CERS6: variants seen among roughly 807,000 people sequenced by gnomAD.
CERS6 encodes ceramide synthase 6.
In CERS6, 26 loss-of-function variants were observed where a neutral mutation model predicts 56.8. The observed-to-expected ratio is 0.46, with a 90% confidence interval of 0.34 to 0.63. The LOEUF is 0.63. Among genes scored for constraint, CERS6 ranks in the 30% least tolerant of loss-of-function variants. The pLI, the probability that CERS6 is intolerant of heterozygous loss-of-function variation, is 0.01. For synonymous variants in CERS6, 164 were observed against 173.3 expected, an observed-to-expected ratio of 0.95 and a Z score of 0.42; for missense variants, 415 against 467.5, an observed-to-expected ratio of 0.89 and a Z score of 1.04.
At chr2:168,599,167 T>A (rs1662491835) in intron 3 of CERS6, among the ~76,000 whole-genome samples, 1 of 152,216 alleles carries the variant, frequency 6.6e-6, no homozygotes, top group South Asian at 2.1e-4. Context: ...TGACTCAGGT[T>A]ACCTTGCAGA....
At chr2:168,564,354 T>G (rs1245035341) in intron 3 of CERS6, among the ~76,000 whole-genome samples, 1 of 152,228 alleles carries the variant, frequency 6.6e-6, no homozygotes, top group African/African-American at 2.4e-5. Context: ...CTATTAATTC[T>G]TTGTAAATTC....
At chr2:168,492,589 A>G (rs1333500266) in intron 1 of CERS6, among the ~76,000 whole-genome samples, 1 of 151,886 alleles carries the variant, frequency 6.6e-6, no homozygotes, top group Non-Finnish European at 1.5e-5. Flanking sequence ...ATGATAGTTT[A>G]TTTTGCAGTG....
chr2:168,687,142 C>T (rs1344560653), intron 4 of CERS6, among the ~76,000 whole-genome samples: 1 of 152,218 alleles, frequency 6.6e-6, no homozygotes, highest in East Asian at 1.9e-4. Flanking sequence ...AACTTTGCTT[C>T]CACCAGAGCT....
intron 1 of CERS6, among the ~76,000 whole-genome samples, chr2:168,537,362 C>T (rs1695283603): frequency 6.6e-6 from 1 of 152,164 alleles, no homozygotes; most frequent in Admixed American, 6.5e-5. Context: ...ATAAATACCT[C>T]AAAGTGAGAT....
chr2:168,743,211 T>A (rs1414731524), intron 8 of CERS6, among the ~76,000 whole-genome samples: 1 of 130,652 alleles, frequency 7.7e-6, no homozygotes, highest in Non-Finnish European at 1.6e-5. Flanking sequence ...TATGTGTGTG[T>A]GTATGTGTGT....
intron 4 of CERS6, among the ~76,000 whole-genome samples, chr2:168,671,688 T>C (rs1400773152): frequency 6.6e-6 from 1 of 152,212 alleles, no homozygotes; most frequent in Non-Finnish European, 1.5e-5. Context: ...GTAAAAGATA[T>C]CTGTTATTTC....
chr2:168,766,082 G>T (rs963451006), intron 9 of CERS6, among the ~76,000 whole-genome samples: 1 of 152,130 alleles, frequency 6.6e-6, no homozygotes, highest in Non-Finnish European at 1.5e-5. Flanking sequence ...TATGAGAAGG[G>T]TCGCTTGGTG....
chr2:168,500,724 G>T (rs1342576751), intron 1 of CERS6, among the ~76,000 whole-genome samples: 1 of 152,216 alleles, frequency 6.6e-6, no homozygotes, highest in Non-Finnish European at 1.5e-5. Context: ...GGAACTGTCA[G>T]ACAAGCTTTG....
chr2:168,769,440 G>A (rs1684808159), intron 9 of CERS6, 70 bp from the exon 10 acceptor site: 4 of 1,369,262 alleles, frequency 2.9e-6, no homozygotes, highest in Non-Finnish European at 3.9e-6. Flanking sequence ...ATGACTGCAT[G>A]TGCTTCTAGC....
chr2:168,525,615 C>A (rs1443987463), intron 1 of CERS6, among the ~76,000 whole-genome samples: 2 of 152,132 alleles, frequency 1.3e-5, no homozygotes, highest in Admixed American at 6.5e-5. Flanking sequence ...GCTTTTGGGC[C>A]AGAGGGTATT....
chr2:168,636,642 A>G (rs954961552), intron 4 of CERS6, among the ~76,000 whole-genome samples: 2 of 152,230 alleles, frequency 1.3e-5, no homozygotes, highest in Non-Finnish European at 2.9e-5. Flanking sequence ...GATGCTTACA[A>G]ATAGGTAAAC....
chr2:168,557,114 G>C (rs993757946), intron 2 of CERS6, among the ~76,000 whole-genome samples: 1 of 151,920 alleles, frequency 6.6e-6, no homozygotes, highest in African/African-American at 2.4e-5. Context: ...GCAGTGAGCC[G>C]TGATGGCGCC....
Position 168,707,686 on chromosome 2 carries a change from C to G in CERS6, c.610-7315C>G, listed in dbSNP as rs1263810373. Among the ~76,000 whole-genome samples the G allele has an allele frequency of 3.9e-5, 6 of 152,250 alleles. No homozygotes were observed. The East Asian group carries it at 1.2e-3, about 29-fold the overall frequency. On this transcript the variant is annotated intron_variant, in intron 6 of 9. Transcript: ENST00000305747. ...CATACATTATGTGAACTCTTCACAT[C>G]ATAAGTTGGTAAGAGATGGTTATGA...
At chr2:168,512,427 T>C (rs1694804834) in intron 1 of CERS6, among the ~76,000 whole-genome samples, 1 of 152,200 alleles carries the variant, frequency 6.6e-6, no homozygotes, top group Non-Finnish European at 1.5e-5. Context: ...TTCATATTTT[T>C]AAAACCACTT....
At chr2:168,515,927 A>G (rs115556917) in intron 1 of CERS6, among the ~76,000 whole-genome samples, 1,525 of 152,266 alleles carry the variant, frequency 0.01, 16 homozygotes, top group African/African-American at 0.036. Context: ...AAAAGAATGG[A>G]AAAGAAAGAA....
At chr2:168,645,853 C>G (rs1685186427) in intron 4 of CERS6, among the ~76,000 whole-genome samples, 4 of 149,306 alleles carry the variant, frequency 2.7e-5, no homozygotes, top group Non-Finnish European at 5.9e-5. Flanking sequence ...ATCCATATTC[C>G]CACAAAAGAC....
At chr2:168,651,180 A>T (rs967747301) in intron 4 of CERS6, among the ~76,000 whole-genome samples, 1 of 152,200 alleles carries the variant, frequency 6.6e-6, no homozygotes, top group East Asian at 1.9e-4. Flanking sequence ...GCAGTGATGC[A>T]TGCTACAGTG....
intron 1 of CERS6, among the ~76,000 whole-genome samples, chr2:168,499,343 C>A (rs1389417701): frequency 6.6e-6 from 1 of 152,180 alleles, no homozygotes; most frequent in African/African-American, 2.4e-5. Context: ...CCACCATAAA[C>A]TTGGTTTTAG....
intron 3 of CERS6, among the ~76,000 whole-genome samples, chr2:168,572,725 C>T (rs1869369): frequency 0.82 from 124,960 of 151,978 alleles, 52,072 homozygotes; most frequent in South Asian, 0.95. Flanking sequence ...TATTGCACTT[C>T]TAGTTGTTCT....
Sources: gnomAD v4.1 joint callset for allele counts (sites outside exome capture counted in the v4.1 genomes callset) on GRCh38, gnomAD v4.1.1 for gene constraint, MANE v1.5 for transcripts, NCBI Gene and HGNC (gene_info 2026-07-23, HGNC 2026-07-21) for gene names.